SESTD1: variants seen among roughly 807,000 people sequenced by gnomAD.
The protein encoded by SESTD1 is SEC14 and spectrin domain containing 1, also known as SEC14 domain and spectrin repeat-containing protein 1.
Under a neutral mutation model 101.7 loss-of-function variants are expected in SESTD1, and 43 were observed. That is an observed-to-expected ratio of 0.42 (90% CI 0.33 to 0.55). The LOEUF is 0.55. Ranked by LOEUF, SESTD1 falls within the 20% of genes least tolerant of loss-of-function variation. The pLI, the probability that SESTD1 is intolerant of heterozygous loss-of-function variation, is 0.07. For synonymous variants in SESTD1, 283 were observed against 286.8 expected, an observed-to-expected ratio of 0.99 and a Z score of 0.13; for missense variants, 647 against 815.1, an observed-to-expected ratio of 0.79 and a Z score of 2.51.
intron 5 of SESTD1, among the ~76,000 whole-genome samples, chr2:179,160,034 T>C (rs1330289352): frequency 6.6e-6 from 1 of 152,164 alleles, no homozygotes; most frequent in East Asian, 1.9e-4. Flanking sequence ...TTTCTATTTT[T>C]TTAGTAAAGA....
intron 5 of SESTD1, among the ~76,000 whole-genome samples, chr2:179,167,413 C>T (rs1312083340): frequency 6.6e-6 from 1 of 152,048 alleles, no homozygotes; most frequent in East Asian, 1.9e-4. Flanking sequence ...TTTTATCATA[C>T]ATCCAAATGG....
intron 10 of SESTD1, among the ~76,000 whole-genome samples, chr2:179,128,020 A>C (rs1240317049): frequency 6.6e-6 from 1 of 152,222 alleles, no homozygotes. Context: ...TTAGAGTCCT[A>C]GAATAGCACT....
Position 179,165,193 on chromosome 2 carries a change from C to T in SESTD1, c.369+6927G>A, listed in dbSNP as rs140974304. On this transcript the variant is annotated intron_variant, in intron 5 of 17. Transcript: ENST00000428443. ...GCTTTTAATAAGTGCCTAGCGCTTT[C>T]TTGAGAAAATATCCTAGCTGAATCT... is the stretch of plus-strand genomic sequence containing the variant. Among the ~76,000 whole-genome samples the T allele has an allele frequency of 3.6e-4, 55 of 152,242 alleles. No homozygotes were observed. In the East Asian group the frequency reaches 9.6e-3, roughly 27 times the overall value.
chr2:179,190,160 G>T (rs1157267705), intron 2 of SESTD1, among the ~76,000 whole-genome samples: 1 of 152,028 alleles, frequency 6.6e-6, no homozygotes, highest in Admixed American at 6.6e-5. Flanking sequence ...ACACTACAAG[G>T]CTGCAGTAAA....
chr2:179,110,722 T>A (rs1199555571), intron 17 of SESTD1, among the ~76,000 whole-genome samples: 1 of 152,158 alleles, frequency 6.6e-6, no homozygotes, highest in Non-Finnish European at 1.5e-5. Context: ...AAAAGAGAAA[T>A]CTGTCTAACC....
At chr2:179,260,609 T>C (rs982964689) in intron 1 of SESTD1, among the ~76,000 whole-genome samples, 4 of 152,232 alleles carry the variant, frequency 2.6e-5, no homozygotes, top group Non-Finnish European at 5.9e-5. Context: ...AGGGCAGATA[T>C]TTTAAACTGT....
chr2:179,156,105 C>A (rs560542218), intron 5 of SESTD1, among the ~76,000 whole-genome samples: 1 of 147,700 alleles, frequency 6.8e-6, no homozygotes, highest in Non-Finnish European at 1.5e-5. Context: ...TTCCATCATA[C>A]GTGTATATAT....
intron 5 of SESTD1, among the ~76,000 whole-genome samples, chr2:179,161,180 C>T (rs2045729509): frequency 1.3e-5 from 2 of 151,564 alleles, no homozygotes; most frequent in African/African-American, 4.9e-5. Flanking sequence ...TCTCAGCCTC[C>T]CAAAGTGTTG....
intron 10 of SESTD1, among the ~76,000 whole-genome samples, chr2:179,128,739 AAAG>A (rs1388244559): frequency 6.6e-6 from 1 of 151,580 alleles, no homozygotes; most frequent in African/African-American, 2.4e-5. Context: ...AAAAAAAAAA[AAAG>A]AAAAGAAAAA....
At chr2:179,229,790 C>CAG (rs1322806120) in intron 1 of SESTD1, among the ~76,000 whole-genome samples, 11 of 119,850 alleles carry the variant, frequency 9.2e-5, no homozygotes, top group South Asian at 3.2e-4. Flanking sequence ...AATACACACA[C>CAG]ACACACACAC....
intron 6 of SESTD1, 142 bp from the exon 7 acceptor site, chr2:179,149,536 CACA>C (rs1412626548): frequency 1.9e-6 from 1 of 539,160 alleles, no homozygotes; most frequent in Admixed American, 4.0e-5. Flanking sequence ...ACCACCAGAG[CACA>C]ACAATGTACC....
At chr2:179,223,370 G>A (rs191030812) in intron 1 of SESTD1, among the ~76,000 whole-genome samples, 1 of 152,150 alleles carries the variant, frequency 6.6e-6, no homozygotes, top group East Asian at 1.9e-4. Flanking sequence ...TGGCTGCACA[G>A]CTCTGAAATC....
rs2044668918 is a variant in SESTD1, at chr2:179,117,910, AT to A, written c.1443-298del. ...AATAGTACACTAAAACCCAAAAAAA[AT>A]CTCCATTGCTGTTTAGCATCAAACA... On this transcript the variant is annotated intron_variant, in intron 13 of 17. Coordinates refer to ENST00000428443, the MANE Select transcript of SESTD1 (RefSeq NM_178123.5). Among the ~76,000 whole-genome samples the A allele has an allele frequency of 2.0e-5, 3 of 152,324 alleles. No homozygotes were observed. In the South Asian group the frequency reaches 6.2e-4, roughly 32 times the overall value.
At chr2:179,196,935 A>G (rs1166454641) in intron 1 of SESTD1, among the ~76,000 whole-genome samples, 6 of 152,222 alleles carry the variant, frequency 3.9e-5, no homozygotes, top group Non-Finnish European at 7.3e-5. Context: ...TTCCTCAACA[A>G]CAACGGAACA....
chr2:179,110,964 G>A (rs569616955), intron 17 of SESTD1, among the ~76,000 whole-genome samples: 1 of 152,192 alleles, frequency 6.6e-6, no homozygotes, highest in Non-Finnish European at 1.5e-5. Context: ...GGATGGATGA[G>A]GAAATGACAC....
rs141833756 is a variant in SESTD1 at position 179,260,545 on chromosome 2, C to T, written c.-26+3954G>A. 3.4e-3 allele frequency among the ~76,000 whole-genome samples: 514 copies of T among 152,116 alleles called. 5 individuals carry two copies. The highest frequency in any genetic ancestry group is 0.012 in the African/African-American group (494 of 41,522). On this transcript the variant is annotated intron_variant, in intron 1 of 17. Transcript: ENST00000428443. ...GAAAAAAAAAAATTAGAAAGGTCAT[C>T]TCAGATCTCTCTCTGCCCCCACAGT...
chr2:179,224,798 G>A (rs1205732119), intron 1 of SESTD1, among the ~76,000 whole-genome samples: 1 of 152,174 alleles, frequency 6.6e-6, no homozygotes, highest in East Asian at 1.9e-4. Flanking sequence ...TTTCTGGAGG[G>A]TGGAATGTCG....
intron 1 of SESTD1, among the ~76,000 whole-genome samples, chr2:179,225,325 TA>T (rs1240967542): frequency 1.3e-5 from 2 of 152,168 alleles, no homozygotes; most frequent in Non-Finnish European, 2.9e-5. Context: ...CTAAGTTATA[TA>T]AATTCTCATG....
At chr2:179,161,246 A>T (rs1298837147) in intron 5 of SESTD1, among the ~76,000 whole-genome samples, 1 of 152,056 alleles carries the variant, frequency 6.6e-6, no homozygotes, top group Non-Finnish European at 1.5e-5. Context: ...ATACCAAGAT[A>T]AAAATGTAAG....
Sources: gnomAD v4.1 joint callset for allele counts (sites outside exome capture counted in the v4.1 genomes callset) on GRCh38, gnomAD v4.1.1 for gene constraint, MANE v1.5 for transcripts, NCBI Gene and HGNC (gene_info 2026-07-23, HGNC 2026-07-21) for gene names.